The following CD244 variants were observed in gnomAD, a reference collection of about 807,000 sequenced individuals.
CD244 encodes the protein natural killer cell receptor 2B4.
CD244 carries 20 observed loss-of-function variants against 45.5 expected under a neutral mutation model. That is an observed-to-expected ratio of 0.44 (90% CI 0.31 to 0.64). CD244 has a LOEUF of 0.64. CD244 is among the 30% of genes least tolerant of loss of function. The pLI is 0.08. For synonymous variants in CD244, 185 were observed against 160.5 expected, an observed-to-expected ratio of 1.15 and a Z score of -1.15; for missense variants, 407 against 426.9, an observed-to-expected ratio of 0.95 and a Z score of 0.41.
chr1:160,845,075 C>T (rs534662805), intron 1 of CD244, among the ~76,000 whole-genome samples: 2 of 152,276 alleles, frequency 1.3e-5, no homozygotes, highest in South Asian at 4.1e-4. Flanking sequence ...CCAAAAGAAC[C>T]ACCTAGCTGA....
chr1:160,861,828 C>A (rs1286263764), intron 1 of CD244, among the ~76,000 whole-genome samples: 5 of 151,914 alleles, frequency 3.3e-5, no homozygotes, highest in Admixed American at 3.3e-4. Context: ...CAGAAGGAGA[C>A]TCTGTCTCAA....
chr1:160,840,304 A>G (rs1018449192), intron 3 of CD244, among the ~76,000 whole-genome samples: 1 of 151,780 alleles, frequency 6.6e-6, no homozygotes, highest in Non-Finnish European at 1.5e-5. Context: ...TGATGAAGCC[A>G]GTGTCCTAGT....
chr1:160,861,807 A>G (rs1670316861), intron 1 of CD244, among the ~76,000 whole-genome samples: 1 of 152,184 alleles, frequency 6.6e-6, no homozygotes, highest in African/African-American at 2.4e-5. Context: ...ACTGCACTCC[A>G]GCCTGGGTGA....
chr1:160,858,012 A>C (rs1314787578), intron 1 of CD244, among the ~76,000 whole-genome samples: 1 of 152,004 alleles, frequency 6.6e-6, no homozygotes, highest in Non-Finnish European at 1.5e-5. Flanking sequence ...ACATCACTGC[A>C]CTCCAGCCTG....
rs774640736 is a variant in CD244 at position 160,841,639 on chromosome 1, CTCCAGGCAGTAGAGG to C, written c.309_323del (p.Leu104_Glu108del). 3.1e-6 allele frequency: 5 copies of C among 1,614,192 alleles called. No individual in the cohort carries two copies. Among genetic ancestry groups the C allele is most frequent in the Non-Finnish European group, 3.4e-6 (4 of 1,180,038 alleles). On this transcript the variant is annotated inframe_deletion, in exon 2 of 9. Coordinates refer to ENST00000368034, the MANE Select transcript of CD244 (RefSeq NM_016382.4). ...GAACTTTTCCAGATATACTGGTGACCTCCAGGCAGTAGAGGCCACTGTCCTGCTGCTGAGCTGCCT... is the reference window on the plus strand; with the variant it reads ...GAACTTTTCCAGATATACTGGTGACCCCACTGTCCTGCTGCTGAGCTGCCT...
At chr1:160,861,005 G>A (rs1248161896) in intron 1 of CD244, among the ~76,000 whole-genome samples, 1 of 152,226 alleles carries the variant, frequency 6.6e-6, no homozygotes, top group African/African-American at 2.4e-5. Context: ...GAAGCCCTGG[G>A]AATGGGGGTG....
intron 8 of CD244, among the ~76,000 whole-genome samples, chr1:160,832,177 T>A (rs1669149204): frequency 6.6e-6 from 1 of 152,158 alleles, no homozygotes; most frequent in Admixed American, 6.5e-5. Flanking sequence ...GAGTCCTTTA[T>A]CTTCCCCTCT....
intron 3 of CD244, 73 bp downstream of exon 3, chr1:160,841,136 TC>T: frequency 7.0e-7 from 1 of 1,437,748 alleles, no homozygotes; most frequent in Non-Finnish European, 9.7e-7. Context: ...TCATACCACA[TC>T]TGTCTTGCAC....
chr1:160,845,968 G>A (rs773627278), intron 1 of CD244, among the ~76,000 whole-genome samples: 38 of 151,970 alleles, frequency 2.5e-4, no homozygotes, highest in Non-Finnish European at 4.4e-4. Flanking sequence ...TAGCCAGAGT[G>A]GGGGAAAACT....
intron 6 of CD244, 149 bp downstream of exon 6, chr1:160,836,043 AAAT>A (rs1669319700): frequency 1.5e-6 from 1 of 653,568 alleles, no homozygotes; most frequent in Non-Finnish European, 2.8e-6. Flanking sequence ...GGATCTTTTC[AAAT>A]AATGTGTTAA....
chr1:160,862,814 T>A lies in CD244; in HGVS notation c.-137A>T. 1.1e-5 allele frequency: 7 copies of A among 657,824 alleles called. No homozygotes were observed. Among genetic ancestry groups the A allele is most frequent in the Non-Finnish European group, 1.8e-5 (7 of 389,062 alleles). The allele number at this position is 657,824 out of a possible 1,614,324, so 40.7% of individuals were successfully genotyped here. On this transcript the variant is annotated 5_prime_UTR_variant, in exon 1 of 9. Transcript: ENST00000368034. ...TGCAACCTGTCCAGCCACAGTTTCC[T>A]CAATTAGAGGCTGTTAACGCCTGCT...
At chr1:160,840,926 C>G (rs1400425371) in intron 3 of CD244, among the ~76,000 whole-genome samples, 1 of 152,186 alleles carries the variant, frequency 6.6e-6, no homozygotes, top group African/African-American at 2.4e-5. Context: ...TGTTCAGGAG[C>G]CATTTCAGGA....
intron 1 of CD244, among the ~76,000 whole-genome samples, chr1:160,853,545 T>G (rs982111888): frequency 8.5e-5 from 13 of 152,096 alleles, no homozygotes; most frequent in African/African-American, 3.1e-4. Flanking sequence ...AAAAGAGTAA[T>G]GACTACCTCT....
At chr1:160,859,743 CAAAA>C (rs541327271) in intron 1 of CD244, among the ~76,000 whole-genome samples, 3 of 108,654 alleles carry the variant, frequency 2.8e-5, no homozygotes, top group Non-Finnish European at 4.2e-5. Context: ...CCTGTATCTA[CAAAA>C]AAAAAAAAAA....
chr1:160,850,500 A>T (rs1197424571), intron 1 of CD244, among the ~76,000 whole-genome samples: 1 of 152,242 alleles, frequency 6.6e-6, no homozygotes, highest in African/African-American at 2.4e-5. Flanking sequence ...AATGTAAAAG[A>T]CATAGAATAG....
intron 1 of CD244, among the ~76,000 whole-genome samples, chr1:160,845,952 G>A (rs978034385): frequency 7.3e-5 from 11 of 151,652 alleles, no homozygotes; most frequent in African/African-American, 2.2e-4. Flanking sequence ...TAGAAAAATC[G>A]TAAAATAGCC....
In CD244 at chr1:160,831,292, G is replaced by T. The variant is rs2101854376; in HGVS notation, c.*55C>A. On this transcript the variant is annotated 3_prime_UTR_variant, in exon 9 of 9. Coordinates refer to ENST00000368034, the MANE Select transcript of CD244 (RefSeq NM_016382.4). ...AGACTCCTGTGCCGTCATCCACTGT[G>T]CCAATTCCCAAAGCAGATGCTGATG... 7.6e-7 allele frequency: 1 copy of T among 1,310,002 alleles called. No homozygotes were observed. Among genetic ancestry groups the T allele is most frequent in the Non-Finnish European group, 1.1e-6 (1 of 902,644 alleles). The allele number at this position is 1,310,002 out of a possible 1,614,324, so 81.1% of individuals were successfully genotyped here.
chr1:160,846,903 C>A (rs953219989), intron 1 of CD244, among the ~76,000 whole-genome samples: 1 of 152,030 alleles, frequency 6.6e-6, no homozygotes, highest in Admixed American at 6.5e-5. Flanking sequence ...AGTATTGAGG[C>A]TGAATTGGCA....
At chr1:160,848,500 C>T (rs1217309546) in intron 1 of CD244, 1 of 501,258 alleles carries the variant, frequency 2.0e-6, no homozygotes, top group South Asian at 1.5e-5. Context: ...GTAGACAACT[C>T]TAATCTGATA....
Sources: gnomAD v4.1 joint callset for allele counts (sites outside exome capture counted in the v4.1 genomes callset) on GRCh38, gnomAD v4.1.1 for gene constraint, MANE v1.5 for transcripts, NCBI Gene and HGNC (gene_info 2026-07-23, HGNC 2026-07-21) for gene names.